Variants in CECR2 observed in about 807,000 individuals in gnomAD.
The protein encoded by CECR2 is CECR2 histone acetyl-lysine reader.
A neutral mutation model predicts 154.5 loss-of-function variants in CECR2; 30 were observed. The observed-to-expected ratio is 0.19, with a 90% confidence interval of 0.15 to 0.26. The LOEUF (loss-of-function observed/expected upper bound fraction) is 0.26, where lower values mean the gene tolerates loss of function less well. Ranked by LOEUF, CECR2 falls within the 10% of genes least tolerant of loss-of-function variation. The pLI is 1.00. For missense variants in CECR2, 1,743 were observed against 1,829.3 expected (o/e 0.95, Z 0.86); for synonymous variants, 725 against 683.7 (o/e 1.06, Z -0.94).
rs117162094 is a variant in CECR2 at position 17,422,080 on chromosome 22, G to A, written c.126+52171G>A. Among the ~76,000 whole-genome samples, 1,230 of 151,834 alleles carry A rather than the reference G, an allele frequency of 8.1e-3. 65 individuals carry two copies. In the East Asian group the frequency reaches 0.14, roughly 18 times the overall value. On this transcript the variant is annotated intron_variant, in intron 1 of 18. Coordinates refer to ENST00000262608, the MANE Select transcript of CECR2 (RefSeq NM_001290047.2). ...AGTCAGATATATTGTAATTCTTATC[G>A]TCTATAGAGAAGGTGTTTTTTTTTC...
At chr22:17,494,420 T>C (rs1601454715) in intron 2 of CECR2, among the ~76,000 whole-genome samples, 1 of 152,164 alleles carries the variant, frequency 6.6e-6, no homozygotes, top group African/African-American at 2.4e-5. Flanking sequence ...GAACTACTCT[T>C]TGCCCGGCTC....
intron 2 of CECR2, 32 bp from the exon 3 acceptor site, chr22:17,497,371 A>G: frequency 6.4e-7 from 1 of 1,570,120 alleles, no homozygotes; most frequent in Non-Finnish European, 8.7e-7. Context: ...ATTTTATATT[A>G]ATGTATTTTT....
chr22:17,416,983 C>G (rs1213399606), intron 1 of CECR2, among the ~76,000 whole-genome samples: 1 of 150,514 alleles, frequency 6.6e-6, no homozygotes, highest in African/African-American at 2.4e-5. Flanking sequence ...TTTTTAAAGT[C>G]TCTTGATACG....
At chr22:17,410,529 C>A (rs188807680) in intron 1 of CECR2, among the ~76,000 whole-genome samples, 12 of 151,982 alleles carry the variant, frequency 7.9e-5, no homozygotes, top group African/African-American at 2.7e-4. Flanking sequence ...CTCACTGCAA[C>A]CTCCACCTCC....
chr22:17,374,530 C>G (rs2063096416), intron 1 of CECR2, among the ~76,000 whole-genome samples: 1 of 152,154 alleles, frequency 6.6e-6, no homozygotes, highest in African/African-American at 2.4e-5. Context: ...TCATCACATT[C>G]TGGAAGCAGC....
At chr22:17,534,523 T>A (rs1048911705) in intron 9 of CECR2, among the ~76,000 whole-genome samples, 1 of 151,792 alleles carries the variant, frequency 6.6e-6, no homozygotes, top group Non-Finnish European at 1.5e-5. Context: ...TTATTTATTT[T>A]TTGAGACGGA....
chr22:17,511,136 T>C (rs1290154955), intron 7 of CECR2, among the ~76,000 whole-genome samples: 4 of 152,222 alleles, frequency 2.6e-5, no homozygotes, highest in Non-Finnish European at 5.9e-5. Flanking sequence ...CTTTTAGTAG[T>C]AGGTTACAGT....
upstream of CECR2, among the ~76,000 whole-genome samples, chr22:17,368,724 G>T (rs1398908901): frequency 6.6e-6 from 1 of 152,086 alleles, no homozygotes; most frequent in Admixed American, 6.5e-5. Flanking sequence ...TCAGCGGCCG[G>T]GCAGTAGCAG....
chr22:17,411,718 C>CA (rs551350732), intron 1 of CECR2, among the ~76,000 whole-genome samples: 1 of 151,724 alleles, frequency 6.6e-6, no homozygotes, highest in South Asian at 2.1e-4. Context: ...CTTTCTCTTT[C>CA]AAAAAAATTA....
intron 15 of CECR2, 46 bp from the exon 16 acceptor site, chr22:17,542,111 C>T (rs778374182): frequency 3.8e-5 from 60 of 1,588,200 alleles, no homozygotes; most frequent in Non-Finnish European, 4.8e-5. Context: ...ACAAAGTGTG[C>T]CTTATTCTGT....
chr22:17,520,766 T>G (rs1473036447), intron 8 of CECR2, among the ~76,000 whole-genome samples: 3 of 152,122 alleles, frequency 2.0e-5, no homozygotes, highest in Admixed American at 6.6e-5. Flanking sequence ...TCTTTTTGGG[T>G]TTTTTGGGCT....
Position 17,522,599 on chromosome 22 carries a change from T to C in CECR2, c.955-1519T>C, listed in dbSNP as rs541394117. On this transcript the variant is annotated intron_variant, in intron 8 of 18. Transcript: ENST00000262608. ...ACTGAGACACCTTATGGGTACAGTG[T>C]TAACGTATGCAGTTTTTATTTTTGT... is the stretch of plus-strand genomic sequence containing the variant. Among the ~76,000 whole-genome samples, 9 of 152,342 alleles carry C rather than the reference T, an allele frequency of 5.9e-5. No homozygotes were observed. The South Asian group carries it at 1.7e-3, about 28-fold the overall frequency.
intron 2 of CECR2, among the ~76,000 whole-genome samples, chr22:17,486,202 A>C (rs1325037022): frequency 6.6e-6 from 1 of 152,210 alleles, no homozygotes; most frequent in Non-Finnish European, 1.5e-5. Flanking sequence ...CTTAGACGTA[A>C]AAGGAACCTC....
At chr22:17,382,177 A>T (rs770844855) in intron 1 of CECR2, among the ~76,000 whole-genome samples, 6 of 152,010 alleles carry the variant, frequency 3.9e-5, no homozygotes, top group South Asian at 2.1e-4. Context: ...GGCGTGAGCC[A>T]CTGTGCCCGG....
rs368801447 is a variant in CECR2, at chr22:17,551,529, T to C, written c.4278-502T>C. ...TCCTTGTGTGTAGATGAAACTCTTG[T>C]GCCAGGTGCAGTGGTTCATACCTAT... On this transcript the variant is annotated intron_variant, in intron 17 of 18. Transcript: ENST00000262608. 5.3e-5 allele frequency among the ~76,000 whole-genome samples: 8 copies of C among 151,958 alleles called. No homozygotes were observed. The East Asian group carries it at 1.3e-3, about 26-fold the overall frequency.
At chr22:17,409,093 T>C (rs992645330) in intron 1 of CECR2, among the ~76,000 whole-genome samples, 1 of 152,128 alleles carries the variant, frequency 6.6e-6, no homozygotes, top group African/African-American at 2.4e-5. Flanking sequence ...GCTTGTTCTG[T>C]TTTATTAATT....
intron 1 of CECR2, among the ~76,000 whole-genome samples, chr22:17,404,402 C>A (rs2053948575): frequency 3.6e-5 from 1 of 28,132 alleles, no homozygotes; most frequent in Non-Finnish European, 7.2e-5. Flanking sequence ...GAGACGGAGT[C>A]TCGCTCTGTC....
chr22:17,549,572 T>C lies in CECR2; in HGVS notation c.4277+8T>C. 3.2e-6 allele frequency: 5 copies of C among 1,555,852 alleles called. No homozygotes were observed. Among genetic ancestry groups the C allele is most frequent in the Non-Finnish European group, 3.5e-6 (4 of 1,145,590 alleles). ...AATGTACAGACCATCAGGGTAAGAT[T>C]GCATTCAGGCTTTTCCCCCTAAAGA... is the stretch of plus-strand genomic sequence containing the variant. On this transcript the variant is annotated splice_region_variant and intron_variant, in intron 17 of 18. Coordinates refer to ENST00000262608, the MANE Select transcript of CECR2 (RefSeq NM_001290047.2).
intron 1 of CECR2, among the ~76,000 whole-genome samples, chr22:17,440,205 AAC>A (rs1455997512): frequency 6.8e-5 from 10 of 148,052 alleles, no homozygotes; most frequent in Non-Finnish European, 3.0e-5. Context: ...ATTTATATAA[AAC>A]TGTGTGTGTG....
Sources: gnomAD v4.1 joint callset for allele counts (sites outside exome capture counted in the v4.1 genomes callset) on GRCh38, gnomAD v4.1.1 for gene constraint, MANE v1.5 for transcripts, NCBI Gene and HGNC (gene_info 2026-07-23, HGNC 2026-07-21) for gene names.